HACD2: variants seen among roughly 807,000 people sequenced by gnomAD.
HACD2 encodes 3-hydroxyacyl-CoA dehydratase 2.
A neutral mutation model predicts 31.0 loss-of-function variants in HACD2; 15 were observed. The ratio of observed to expected loss-of-function variants is 0.48; its 90% CI spans 0.32 to 0.75. The LOEUF is 0.75. Ranked by LOEUF, HACD2 falls within the 30% of genes least tolerant of loss-of-function variation. HACD2 has a pLI of 0.03. For missense variants in HACD2, 283 were observed against 313.0 expected (o/e 0.90, Z 0.72); for synonymous variants, 115 against 122.2 (o/e 0.94, Z 0.39).
rs1384270001 is a variant in HACD2 at position 123,504,218 on chromosome 3, CT to C, written c.382-1538del. Among the ~76,000 whole-genome samples, 3 of 152,126 alleles carry C rather than the reference CT, an allele frequency of 2.0e-5. No individual in the cohort carries two copies. The East Asian group carries it at 5.8e-4, about 29-fold the overall frequency. Reference sequence around the variant, plus strand: ...TAAATATAAAAGCACACTTTGCTTTCTGATGTATTTTATAATCCTCTTTATC... The same window carrying C: ...TAAATATAAAAGCACACTTTGCTTTCGATGTATTTTATAATCCTCTTTATC... On this transcript the variant is annotated intron_variant, in intron 4 of 6. Transcript: ENST00000383657.
Position 123,532,973 on chromosome 3 carries a change from A to G in HACD2, c.293-4499T>C, listed in dbSNP as rs545587161. 4.6e-5 allele frequency among the ~76,000 whole-genome samples: 7 copies of G among 152,244 alleles called. No individual in the cohort carries two copies. The South Asian group carries it at 1.2e-3, about 27-fold the overall frequency. On this transcript the variant is annotated intron_variant, in intron 3 of 6. Transcript: ENST00000383657. ...AGGTAGGAAATTTGTTTTAGAGCTC[A>G]ATGTTAAGAAAGGTTTGCTCCTTTC...
chr3:123,555,709 T>C (rs1303086604), intron 3 of HACD2, among the ~76,000 whole-genome samples: 1 of 152,192 alleles, frequency 6.6e-6, no homozygotes, highest in Non-Finnish European at 1.5e-5. Context: ...GGAAGCTATT[T>C]TGTAGATGTT....
intron 6 of HACD2, among the ~76,000 whole-genome samples, chr3:123,496,232 A>C (rs1427081912): frequency 6.6e-6 from 1 of 152,184 alleles, no homozygotes; most frequent in East Asian, 1.9e-4. Context: ...TACGTTGCCC[A>C]GGCTTGTCTG....
At chr3:123,511,829 C>T (rs1263187529) in intron 4 of HACD2, among the ~76,000 whole-genome samples, 3 of 152,264 alleles carry the variant, frequency 2.0e-5, no homozygotes, top group Non-Finnish European at 2.9e-5. Context: ...TTTGACCCTC[C>T]AAACCTCATG....
At chr3:123,518,996 A>T (rs949004925) in intron 4 of HACD2, among the ~76,000 whole-genome samples, 1 of 90,614 alleles carries the variant, frequency 1.1e-5, no homozygotes, top group South Asian at 4.3e-4. Flanking sequence ...GACTCCAACT[A>T]AAAAAAAAAA....
At chr3:123,560,387 T>C (rs1002091936) in intron 3 of HACD2, among the ~76,000 whole-genome samples, 1 of 152,094 alleles carries the variant, frequency 6.6e-6, no homozygotes, top group African/African-American at 2.4e-5. Flanking sequence ...GCAGAATTAA[T>C]TGCAAAGGAG....
intron 4 of HACD2, among the ~76,000 whole-genome samples, chr3:123,517,789 C>T (rs1200028999): frequency 6.6e-6 from 1 of 152,100 alleles, no homozygotes; most frequent in Non-Finnish European, 1.5e-5. Flanking sequence ...GCAAAAATTT[C>T]AAAAGGTGGG....
intron 6 of HACD2, among the ~76,000 whole-genome samples, chr3:123,497,259 C>T (rs1247172844): frequency 6.6e-6 from 1 of 152,212 alleles, no homozygotes; most frequent in Admixed American, 6.5e-5. Flanking sequence ...AACCCCTCAA[C>T]CCGACAACAG....
At chr3:123,498,339 C>T (rs1007108078) in intron 6 of HACD2, among the ~76,000 whole-genome samples, 3 of 152,208 alleles carry the variant, frequency 2.0e-5, no homozygotes, top group African/African-American at 7.2e-5. Flanking sequence ...GAGGCTGAGA[C>T]TGCAAGGGGG....
chr3:123,563,533 C>T lies in HACD2; in HGVS notation c.292+4229G>A, dbSNP rs140515651. 7.9e-5 allele frequency among the ~76,000 whole-genome samples: 12 copies of T among 152,278 alleles called. No individual in the cohort carries two copies. The East Asian group carries it at 2.3e-3, about 29-fold the overall frequency. On this transcript the variant is annotated intron_variant, in intron 3 of 6. Transcript: ENST00000383657. ...CCACAGGAGCAGTGTGGAGCATGGA[C>T]TTGGAGCCACACAGCCATAGGTTCA...
chr3:123,539,548 C>T (rs1479198068), intron 3 of HACD2, among the ~76,000 whole-genome samples: 1 of 151,604 alleles, frequency 6.6e-6, no homozygotes, highest in Non-Finnish European at 1.5e-5. Context: ...CCAGCCTGGG[C>T]AACAGAGTGA....
chr3:123,523,162 G>A (rs1185923944), intron 4 of HACD2, among the ~76,000 whole-genome samples: 1 of 152,202 alleles, frequency 6.6e-6, no homozygotes, highest in Non-Finnish European at 1.5e-5. Flanking sequence ...GGACCCAGCA[G>A]GGAGGAAAAA....
intron 4 of HACD2, among the ~76,000 whole-genome samples, chr3:123,527,090 C>G (rs954781288): frequency 6.6e-6 from 1 of 152,144 alleles, no homozygotes; most frequent in East Asian, 1.9e-4. Flanking sequence ...CACTTAATTA[C>G]TGAAAGTACA....
intron 4 of HACD2, among the ~76,000 whole-genome samples, chr3:123,526,158 C>A (rs1018226786): frequency 1.3e-5 from 2 of 151,990 alleles, no homozygotes; most frequent in African/African-American, 2.4e-5. Flanking sequence ...ATAGTAAGCA[C>A]TGGCCTCTGA....
intron 4 of HACD2, among the ~76,000 whole-genome samples, chr3:123,519,782 T>G (rs2056189885): frequency 6.6e-6 from 1 of 152,228 alleles, no homozygotes; most frequent in South Asian, 2.1e-4. Flanking sequence ...TGAATATTAA[T>G]CAATGCTTTA....
At chr3:123,511,939 C>T (rs556084590) in intron 4 of HACD2, among the ~76,000 whole-genome samples, 4 of 152,186 alleles carry the variant, frequency 2.6e-5, no homozygotes, top group African/African-American at 7.2e-5. Flanking sequence ...CCGTTGCCAC[C>T]CCCTAGCTCC....
At position 123,494,572 on chromosome 3, in the gene HACD2, C is replaced by A; in HGVS notation, c.*316G>T. 2.7e-6 allele frequency: 1 copy of A among 366,998 alleles called. No individual in the cohort carries two copies. The highest frequency in any genetic ancestry group is 2.6e-5 in the South Asian group (1 of 37,738). 22.7% of individuals were successfully genotyped at this position (366,998 alleles called of 1,614,324 possible). On this transcript the variant is annotated 3_prime_UTR_variant, in exon 7 of 7. Transcript: ENST00000383657. ...CTCTCAAGTACTTAGTGTTACAGGT[C>A]TTCATTGATCAGATACATGAAGGAC...
At chr3:123,544,143 T>C (rs1477209901) in intron 3 of HACD2, among the ~76,000 whole-genome samples, 1 of 152,082 alleles carries the variant, frequency 6.6e-6, no homozygotes, top group Non-Finnish European at 1.5e-5. Context: ...GTTCCCCGAG[T>C]AGGAGGCCCA....
At chr3:123,581,727 T>A (rs2056968487) in intron 2 of HACD2, among the ~76,000 whole-genome samples, 2 of 152,226 alleles carry the variant, frequency 1.3e-5, no homozygotes, top group African/African-American at 4.8e-5. Context: ...AATCTATACT[T>A]ACCCCAAGAG....
Sources: allele counts gnomAD v4.1 joint callset (sites outside exome capture counted in the v4.1 genomes callset), GRCh38; gene constraint gnomAD v4.1.1; transcripts MANE v1.5; gene names NCBI Gene and HGNC (gene_info 2026-07-23, HGNC 2026-07-21).